Variants in ANKS1B observed in about 807,000 individuals in gnomAD.
ANKS1B encodes the protein ankyrin repeat and sterile alpha motif domain containing 1B, also known as ankyrin repeat and sterile alpha motif domain-containing protein 1B.
ANKS1B carries 36 observed loss-of-function variants against 148.3 expected under a neutral mutation model. The ratio of observed to expected loss-of-function variants is 0.24; its 90% CI spans 0.19 to 0.32. The LOEUF is 0.32. Ranked by LOEUF, ANKS1B falls within the 10% of genes least tolerant of loss-of-function variation. ANKS1B has a pLI of 1.00. For synonymous variants in ANKS1B, 542 were observed against 560.8 expected, an observed-to-expected ratio of 0.97 and a Z score of 0.47; for missense variants, 1,157 against 1,542.6, an observed-to-expected ratio of 0.75 and a Z score of 4.19.
At chr12:99,227,032 G>C (rs901104074) in intron 14 of ANKS1B, among the ~76,000 whole-genome samples, 4 of 152,206 alleles carry the variant, frequency 2.6e-5, no homozygotes, top group African/African-American at 9.6e-5. Flanking sequence ...TGTTAAGGTA[G>C]GGTGATATAG....
intron 19 of ANKS1B, among the ~76,000 whole-genome samples, chr12:98,822,652 C>T (rs1034115559): frequency 1.3e-5 from 2 of 152,098 alleles, no homozygotes; most frequent in Non-Finnish European, 2.9e-5. Flanking sequence ...GTTTTAACTG[C>T]AAACAGGACC....
chr12:98,943,721 C>T (rs1333733437), intron 17 of ANKS1B, among the ~76,000 whole-genome samples: 6 of 152,308 alleles, frequency 3.9e-5, no homozygotes, highest in African/African-American at 1.4e-4. Context: ...TAAGGCCAAC[C>T]GTTTGGCAAC....
At chr12:98,779,196 T>C (rs897970844) in intron 24 of ANKS1B, among the ~76,000 whole-genome samples, 4 of 152,224 alleles carry the variant, frequency 2.6e-5, no homozygotes, top group African/African-American at 9.6e-5. Flanking sequence ...AGAGTAGTCA[T>C]CAGTGAGCAG....
chr12:99,065,638 C>CCATCCCAT lies in ANKS1B; in HGVS notation c.2626-12330_2626-12329insATGGGATG, dbSNP rs1379959845. Among the ~76,000 whole-genome samples, 340 of 41,766 alleles carry CCATCCCAT rather than the reference C, an allele frequency of 8.1e-3. 1 individual carries two copies. The highest frequency in any genetic ancestry group is 0.014 in the Non-Finnish European group (173 of 12,356). The allele number at this position is 41,766 out of a possible 152,430, so 27.4% of individuals were successfully genotyped here. A position where few individuals can be genotyped will look rare whatever the true frequency, so the allele number is the denominator to read the frequency against. On this transcript the variant is annotated intron_variant, in intron 16 of 26. Transcript: ENST00000683438. Reference sequence around the variant, plus strand: ...TCCATCCATCCATCCATCCATCCATCCCATCCATCCATCCATCCATCCATC... The same window carrying CCATCCCAT: ...TCCATCCATCCATCCATCCATCCATCCATCCCATCCATCCATCCATCCATCCATCCATC...
chr12:99,976,601 G>C lies in ANKS1B; in HGVS notation c.134+7503C>G, dbSNP rs142322093. On this transcript the variant is annotated intron_variant, in intron 1 of 26. Transcript: ENST00000683438. Reference sequence around the variant, plus strand: ...TAACAAGTCTAAGCAGTTTGTTTCAGTTCAGTTAACTAGAAGTGATTAACC... The same window carrying C: ...TAACAAGTCTAAGCAGTTTGTTTCACTTCAGTTAACTAGAAGTGATTAACC... 2.1e-3 allele frequency among the ~76,000 whole-genome samples: 314 copies of C among 152,276 alleles called. 2 individuals carry two copies. Among genetic ancestry groups the C allele is most frequent in the Middle Eastern group, 0.01 (3 of 294 alleles).
intron 8 of ANKS1B, among the ~76,000 whole-genome samples, chr12:99,726,209 T>C (rs977510246): frequency 6.6e-6 from 1 of 152,054 alleles, no homozygotes; most frequent in African/African-American, 2.4e-5. Flanking sequence ...AGCTGGTTTT[T>C]TGAAAAAATT....
At chr12:99,858,257 T>C (rs1225443072) in intron 1 of ANKS1B, among the ~76,000 whole-genome samples, 1 of 152,088 alleles carries the variant, frequency 6.6e-6, no homozygotes, top group Middle Eastern at 3.2e-3. Context: ...AAAGAAGATA[T>C]ACAAATGGCC....
At chr12:99,455,179 T>C (rs958978314) in intron 10 of ANKS1B, among the ~76,000 whole-genome samples, 1 of 152,154 alleles carries the variant, frequency 6.6e-6, no homozygotes, top group South Asian at 2.1e-4. Flanking sequence ...TCCAAAATTA[T>C]GTAAACACCC....
chr12:99,204,925 T>C (rs947691741), intron 14 of ANKS1B, among the ~76,000 whole-genome samples: 11 of 152,200 alleles, frequency 7.2e-5, no homozygotes, highest in Non-Finnish European at 1.3e-4. Flanking sequence ...AGAGAGTGTT[T>C]AGAAATGTTT....
At chr12:99,150,958 T>C (rs1370604139) in intron 15 of ANKS1B, among the ~76,000 whole-genome samples, 5 of 152,142 alleles carry the variant, frequency 3.3e-5, no homozygotes, top group Non-Finnish European at 5.9e-5. Context: ...GGTTTTAACA[T>C]AGATGTGACT....
At chr12:99,774,872 A>T (rs952760220) in intron 7 of ANKS1B, among the ~76,000 whole-genome samples, 6 of 152,132 alleles carry the variant, frequency 3.9e-5, no homozygotes, top group Admixed American at 6.6e-5. Context: ...AACCTAGAGG[A>T]TATTATCCTA....
chr12:99,796,689 A>AT (rs1022822808), intron 4 of ANKS1B, among the ~76,000 whole-genome samples: 2 of 151,944 alleles, frequency 1.3e-5, no homozygotes, highest in Non-Finnish European at 2.9e-5. Context: ...AACAAATAAG[A>AT]TTTTTTAAGT....
At chr12:99,699,978 T>C (rs1411818310) in intron 8 of ANKS1B, among the ~76,000 whole-genome samples, 1 of 152,182 alleles carries the variant, frequency 6.6e-6, no homozygotes, top group Non-Finnish European at 1.5e-5. Context: ...CTCAGTCTAT[T>C]TTGTAAGTTG....
chr12:98,946,203 T>A (rs968300121), intron 17 of ANKS1B, among the ~76,000 whole-genome samples: 17 of 152,046 alleles, frequency 1.1e-4, no homozygotes, highest in Admixed American at 7.9e-4. Context: ...TCTCAAAGAG[T>A]CATCTTTCCC....
intron 16 of ANKS1B, among the ~76,000 whole-genome samples, chr12:99,067,805 C>A (rs2044859930): frequency 6.6e-6 from 1 of 151,972 alleles, no homozygotes; most frequent in South Asian, 2.1e-4. Context: ...GAACAGCAGT[C>A]ACAACAAAAA....
At chr12:98,953,877 T>C (rs1429748283) in intron 17 of ANKS1B, among the ~76,000 whole-genome samples, 1 of 152,170 alleles carries the variant, frequency 6.6e-6, no homozygotes, top group African/African-American at 2.4e-5. Flanking sequence ...AGTTCTTTTA[T>C]TTTCCAGTTT....
At chr12:99,702,820 G>C (rs1211301691) in intron 8 of ANKS1B, among the ~76,000 whole-genome samples, 1 of 148,658 alleles carries the variant, frequency 6.7e-6, no homozygotes, top group Non-Finnish European at 1.5e-5. Context: ...CCTGTGCTTT[G>C]GGGTTATTAC....
At chr12:98,891,793 A>G (rs2152684840) in intron 17 of ANKS1B, among the ~76,000 whole-genome samples, 1 of 152,348 alleles carries the variant, frequency 6.6e-6, no homozygotes, top group Non-Finnish European at 1.5e-5. Flanking sequence ...ATTAAATTAA[A>G]TAGCAAACAC....
intron 9 of ANKS1B, among the ~76,000 whole-genome samples, chr12:99,602,893 T>C (rs1190335469): frequency 6.6e-6 from 1 of 152,058 alleles, no homozygotes; most frequent in African/African-American, 2.4e-5. Context: ...TAATAACAAG[T>C]GCACTATAGT....
Sources: allele counts gnomAD v4.1 joint callset (sites outside exome capture counted in the v4.1 genomes callset), GRCh38; gene constraint gnomAD v4.1.1; transcripts MANE v1.5; gene names NCBI Gene and HGNC (gene_info 2026-07-23, HGNC 2026-07-21).